Variants in SP140 observed in about 807,000 individuals in gnomAD.
SP140 encodes the protein nuclear body protein SP140.
SP140 carries 81 observed loss-of-function variants against 125.0 expected under a neutral mutation model. That is an observed-to-expected ratio of 0.65 (90% confidence interval 0.54 to 0.78). The LOEUF (loss-of-function observed/expected upper bound fraction) is 0.78. Among genes scored for constraint, SP140 ranks in the 30% least tolerant of loss-of-function variants. The pLI, the probability that SP140 is intolerant of heterozygous loss-of-function variation, is 0.00. For synonymous variants in SP140, 312 were observed against 354.0 expected (o/e 0.88, Z 1.33); for missense variants, 858 against 1,037.0 (o/e 0.83, Z 2.37).
upstream of SP140, chr2:230,200,854 T>C (rs778860082): frequency 4.6e-5 from 69 of 1,489,934 alleles, no homozygotes; most frequent in Non-Finnish European, 5.8e-5. Context: ...CTGGTGACTG[T>C]ACTCTGAGAC....
intron 22 of SP140, among the ~76,000 whole-genome samples, chr2:230,306,623 G>A (rs1046897199): frequency 1.3e-5 from 2 of 152,268 alleles, no homozygotes; most frequent in Non-Finnish European, 2.9e-5. Flanking sequence ...CAATCTTGGA[G>A]CAGGGTTGGG....
intron 1 of SP140, among the ~76,000 whole-genome samples, chr2:230,226,186 A>G (rs183586393): frequency 1.3e-5 from 2 of 152,044 alleles, no homozygotes; most frequent in Admixed American, 1.3e-4. Context: ...GTAGGATTGG[A>G]TGATTCCCCG....
intron 22 of SP140, among the ~76,000 whole-genome samples, chr2:230,306,015 A>G (rs1406957246): frequency 6.6e-6 from 1 of 152,128 alleles, no homozygotes; most frequent in Non-Finnish European, 1.5e-5. Context: ...TTGAGCCAAC[A>G]TCACCCCTGC....
chr2:230,246,589 T>A (rs541765426), intron 7 of SP140, among the ~76,000 whole-genome samples: 2 of 152,328 alleles, frequency 1.3e-5, no homozygotes, highest in African/African-American at 2.4e-5. Context: ...CCTTTGTTAA[T>A]GGCAAAAGAT....
intron 22 of SP140, among the ~76,000 whole-genome samples, chr2:230,307,959 A>G (rs1187707751): frequency 7.2e-5 from 4 of 55,936 alleles, no homozygotes; most frequent in Non-Finnish European, 7.1e-5. Context: ...ATGCATGTAT[A>G]TATATATATA....
At chr2:230,287,328 G>A (rs942605035) in intron 17 of SP140, among the ~76,000 whole-genome samples, 10 of 152,150 alleles carry the variant, frequency 6.6e-5, no homozygotes, top group African/African-American at 2.4e-4. Flanking sequence ...TGTGACATGT[G>A]CAGCATACAT....
At chr2:230,287,787 A>G (rs775413709) in intron 17 of SP140, 105 bp from the exon 18 acceptor site, 2 of 946,134 alleles carry the variant, frequency 2.1e-6, no homozygotes, top group Non-Finnish European at 3.0e-6. Flanking sequence ...TATACATTAA[A>G]CAGGCTTTTG....
intron 12 of SP140, among the ~76,000 whole-genome samples, chr2:230,258,554 T>C (rs2051640649): frequency 6.6e-6 from 1 of 152,226 alleles, no homozygotes; most frequent in Non-Finnish European, 1.5e-5. Flanking sequence ...CACTCTAATA[T>C]ATTGACTTTG....
chr2:230,269,555 C>A lies in SP140; in HGVS notation c.1264C>A (p.Pro422Thr), dbSNP rs757258493. The A allele has an allele frequency of 1.2e-6, 2 of 1,607,224 alleles. No homozygotes were observed. Among genetic ancestry groups the A allele is most frequent in the Admixed American group, 1.7e-5 (1 of 59,778 alleles). Residue 422 changes from proline to threonine, a missense_variant, in exon 13 of 27, where the codon CCA becomes ACA. Pro to Thr is a conservative substitution (Grantham distance 38). Transcript: ENST00000392045. ...AGTGTCTAGTGAACTAGAAAATCAC[C>A]CAATGAATGAAGAAGGAGAATCAGA... ...GSVSSELENH[P>T]MNEEGESEEL...
At chr2:230,242,383 G>A (rs1404338246) in intron 4 of SP140, among the ~76,000 whole-genome samples, 14 of 152,196 alleles carry the variant, frequency 9.2e-5, no homozygotes, top group African/African-American at 1.2e-4. Context: ...TCCATTAACC[G>A]TAAGTTTTCA....
At chr2:230,316,269 G>C (rs2059483059), downstream of SP140, among the ~76,000 whole-genome samples, 1 of 151,840 alleles carries the variant, frequency 6.6e-6, no homozygotes, top group South Asian at 2.1e-4. Flanking sequence ...TAGGTAAGCT[G>C]TCAGGGGTTC....
chr2:230,307,925 G>A, intron 22 of SP140, among the ~76,000 whole-genome samples: 1 of 124,644 alleles, frequency 8.0e-6, no homozygotes, highest in Non-Finnish European at 1.7e-5. Flanking sequence ...TGGAAAAAAA[G>A]TTATATGAAA....
intron 19 of SP140, 42 bp from the exon 20 acceptor site, chr2:230,292,604 G>A (rs747733607): frequency 1.2e-6 from 2 of 1,613,212 alleles, no homozygotes; most frequent in Non-Finnish European, 1.7e-6. Flanking sequence ...CTGTGCGCTG[G>A]GAAAAAAGAG....
intron 3 of SP140, among the ~76,000 whole-genome samples, chr2:230,220,608 C>A (rs1199008232): frequency 6.6e-6 from 1 of 152,214 alleles, no homozygotes; most frequent in African/African-American, 2.4e-5. Context: ...CTGGGACCTG[C>A]TGATTCCAGA....
downstream of SP140, among the ~76,000 whole-genome samples, chr2:230,315,760 A>C (rs975100642): frequency 6.6e-6 from 1 of 152,162 alleles, no homozygotes; most frequent in African/African-American, 2.4e-5. Flanking sequence ...GACCTGAAGG[A>C]GGCAGGGGTT....
At chr2:230,300,985 A>G (rs539865991) in intron 22 of SP140, among the ~76,000 whole-genome samples, 1 of 152,256 alleles carries the variant, frequency 6.6e-6, no homozygotes. Context: ...AGTGAAAGAC[A>G]TACTTAGAGA....
intron 3 of SP140, among the ~76,000 whole-genome samples, chr2:230,239,842 G>T (rs2048471250): frequency 1.3e-5 from 2 of 152,192 alleles, no homozygotes; most frequent in South Asian, 4.1e-4. Context: ...CAAATTTTGA[G>T]TCAATATTTG....
chr2:230,238,834 C>A (rs1444839318), intron 3 of SP140: 1 of 1,555,024 alleles, frequency 6.4e-7, no homozygotes, highest in South Asian at 1.2e-5. Flanking sequence ...ACGAAGAGAG[C>A]CTAGCACATA....
At chr2:230,225,924 C>T (rs1346131396) in intron 1 of SP140, 21 bp downstream of exon 1, 1 of 1,606,972 alleles carries the variant, frequency 6.2e-7, no homozygotes, top group South Asian at 1.1e-5. Context: ...GTCTCCTTTC[C>T]CGTCTGTCCT....
Sources: gnomAD v4.1 joint callset for allele counts (sites outside exome capture counted in the v4.1 genomes callset) on GRCh38, gnomAD v4.1.1 for gene constraint, MANE v1.5 for transcripts, NCBI Gene and HGNC (gene_info 2026-07-23, HGNC 2026-07-21) for gene names.